NEBL: variants seen among roughly 807,000 people sequenced by gnomAD.
NEBL encodes the protein nebulette, also known as LIM and SH3 protein 2.
NEBL carries 122 observed loss-of-function variants against 140.2 expected under a neutral mutation model. The ratio of observed to expected loss-of-function variants is 0.87; its 90% CI spans 0.75 to 1.01. NEBL has a LOEUF of 1.01. Among genes scored for constraint, NEBL ranks in the 50% least tolerant of loss-of-function variants. The pLI is 0.00. For synonymous variants in NEBL, 436 were observed against 398.9 expected, an observed-to-expected ratio of 1.09 and a Z score of -1.11; for missense variants, 1,365 against 1,231.3, an observed-to-expected ratio of 1.11 and a Z score of -1.62.
At chr10:21,020,364 A>T (rs575286614) in intron 2 of NEBL, among the ~76,000 whole-genome samples, 1 of 152,154 alleles carries the variant, frequency 6.6e-6, no homozygotes, top group Non-Finnish European at 1.5e-5. Context: ...TCCAGACCTC[A>T]TCCCATTCTC....
At chr10:20,844,767 G>A (rs191055282) in intron 12 of NEBL, among the ~76,000 whole-genome samples, 150 of 151,986 alleles carry the variant, frequency 9.9e-4, no homozygotes, top group African/African-American at 3.5e-3. Flanking sequence ...CTTCACATGT[G>A]AGCATCTTAT....
At chr10:21,087,816 T>A (rs1836709409) in intron 2 of NEBL, among the ~76,000 whole-genome samples, 1 of 152,162 alleles carries the variant, frequency 6.6e-6, no homozygotes, top group African/African-American at 2.4e-5. Context: ...TTTACCATAA[T>A]CCATCCTTAA....
rs759975853 is a variant in NEBL, at chr10:20,785,735, A to G, written c.*12T>C. On this transcript the variant is annotated 3_prime_UTR_variant, in exon 28 of 28. Coordinates refer to ENST00000377122, the MANE Select transcript of NEBL (RefSeq NM_006393.3). ...TACATTAGAATAAAGCTCAAAGGGC[A>G]GGGAGAAATAATTAATTAACAAACT... is the stretch of plus-strand genomic sequence containing the variant. 11 of 1,612,428 alleles carry G rather than the reference A, an allele frequency of 6.8e-6. No individual in the cohort carries two copies. The highest frequency in any genetic ancestry group is 8.5e-6 in the Non-Finnish European group (10 of 1,179,334).
intron 2 of NEBL, among the ~76,000 whole-genome samples, chr10:21,077,087 G>A (rs1239014307): frequency 6.6e-6 from 1 of 152,072 alleles, no homozygotes; most frequent in Non-Finnish European, 1.5e-5. Context: ...TTAAAAATAT[G>A]TTTAAAAATA....
intron 26 of NEBL, among the ~76,000 whole-genome samples, chr10:20,800,761 A>G (rs1837043748): frequency 6.6e-6 from 1 of 152,140 alleles, no homozygotes; most frequent in African/African-American, 2.4e-5. Context: ...TAATCCCTCT[A>G]GCGGACCACT....
At chr10:20,791,715 C>T (rs552913431) in intron 26 of NEBL, among the ~76,000 whole-genome samples, 1 of 152,030 alleles carries the variant, frequency 6.6e-6, no homozygotes, top group South Asian at 2.1e-4. Flanking sequence ...AAGAGGCTCA[C>T]CAAATCTGAA....
intron 7 of NEBL, among the ~76,000 whole-genome samples, chr10:20,864,603 A>T (rs1338316548): frequency 1.3e-5 from 2 of 152,234 alleles, no homozygotes; most frequent in African/African-American, 2.4e-5. Context: ...TCTCTGTTAC[A>T]ATGCTTCTGG....
chr10:21,252,398 T>A (rs1397145317), intron 1 of NEBL, among the ~76,000 whole-genome samples: 2 of 152,168 alleles, frequency 1.3e-5, no homozygotes, highest in Non-Finnish European at 2.9e-5. Flanking sequence ...ATTGATTGAT[T>A]GATAGATAGA....
chr10:21,073,573 C>T (rs1036322984), intron 2 of NEBL, among the ~76,000 whole-genome samples: 24 of 144,088 alleles, frequency 1.7e-4, no homozygotes, highest in Non-Finnish European at 6.0e-5. Context: ...GCCTAGAATG[C>T]ACCAGTACAC....
At chr10:21,150,456 C>G (rs1407965451) in intron 2 of NEBL, among the ~76,000 whole-genome samples, 1 of 152,166 alleles carries the variant, frequency 6.6e-6, no homozygotes, top group Admixed American at 6.5e-5. Context: ...CAGTGAGGCT[C>G]CAACCACGGG....
At chr10:21,122,947 C>T (rs1354877334) in intron 2 of NEBL, among the ~76,000 whole-genome samples, 1 of 152,102 alleles carries the variant, frequency 6.6e-6, no homozygotes, top group Admixed American at 6.6e-5. Context: ...TCAGGGGTCC[C>T]ACATATTTCC....
intron 3 of NEBL, among the ~76,000 whole-genome samples, chr10:20,989,972 T>C (rs1837396612): frequency 6.6e-6 from 1 of 152,236 alleles, no homozygotes; most frequent in Non-Finnish European, 1.5e-5. Flanking sequence ...ATGTTAACAT[T>C]GATAAAAATC....
At chr10:21,009,674 A>G (rs1838261625) in intron 3 of NEBL, among the ~76,000 whole-genome samples, 1 of 152,200 alleles carries the variant, frequency 6.6e-6, no homozygotes, top group African/African-American at 2.4e-5. Context: ...AATTGTCCCA[A>G]ACGGAAGCTT....
At position 20,831,251 on chromosome 10, in the gene NEBL, C is replaced by A. The variant is rs1219196856; in HGVS notation, c.1616G>T (p.Ser539Ile). Reference sequence around the variant, plus strand: ...TCGAAGGATATCTGGGATATCCATGCTCACTTGCATTCCTTTCCCTTTAAT... The same window carrying A: ...TCGAAGGATATCTGGGATATCCATGATCACTTGCATTCCTTTCCCTTTAAT... ...NEIKGKGMQV[S>I]MDIPDILRAK... Residue 539 changes from serine to isoleucine, a missense_variant, in exon 16 of 28, where the codon AGC (serine) becomes ATC (isoleucine). By Grantham distance (142) the Ser-to-Ile change is moderately radical. Around this residue, in one of 2 missense-constraint regions of NEBL, gnomAD observed 1,323 missense variants for 1,154.8 expected, o/e 1.15. Coordinates refer to ENST00000377122, the MANE Select transcript of NEBL (RefSeq NM_006393.3). 1 of 1,613,704 alleles carries A rather than the reference C, an allele frequency of 6.2e-7. No individual in the cohort carries two copies. Among genetic ancestry groups the A allele is most frequent in the South Asian group, 1.1e-5 (1 of 91,086 alleles).
intron 3 of NEBL, among the ~76,000 whole-genome samples, chr10:20,977,084 A>G (rs759636359): frequency 1.3e-5 from 2 of 152,192 alleles, no homozygotes; most frequent in African/African-American, 2.4e-5. Flanking sequence ...AGTCAAAGAT[A>G]AAGTTTCCAG....
In NEBL at chr10:21,149,776, G is replaced by A. The variant is rs919062493; in HGVS notation, c.164+22607C>T. 3.3e-5 allele frequency among the ~76,000 whole-genome samples: 5 copies of A among 152,158 alleles called. No homozygotes were observed. The East Asian group carries it at 5.8e-4, about 18-fold the overall frequency. On this transcript the variant is annotated intron_variant, in intron 2 of 6. Coordinates refer to the NEBL transcript ENST00000417816. ...GGCATTGGAAGTGGGTGACGGGGGC[G>A]GTCTTGTAGGACTGAGCCCTCAACC...
intron 1 of NEBL, among the ~76,000 whole-genome samples, chr10:21,286,314 GT>G (rs1843054920): frequency 6.6e-6 from 1 of 152,094 alleles, no homozygotes; most frequent in African/African-American, 2.4e-5. Context: ...AACATTCTTT[GT>G]AGCCCAGAGC....
At chr10:21,174,196 A>C, upstream of NEBL, 6 of 261,472 alleles carry the variant, frequency 2.3e-5, no homozygotes, top group Non-Finnish European at 3.0e-5. Context: ...GGCCAAACCC[A>C]CCGGCGCGCC....
Position 20,914,969 on chromosome 10 carries a change from A to ATTTTTTT in NEBL, c.357+46696_357+46702dup, listed in dbSNP as rs71390798. ...TACCTCTGCCTCCCAAGTGGCTGGG[A>ATTTTTTT]TTTTTTTTTTTTTTGGAGAGATGGG... On this transcript the variant is annotated intron_variant, in intron 4 of 6. Coordinates refer to the NEBL transcript ENST00000417816. Among the ~76,000 whole-genome samples the ATTTTTTT allele has an allele frequency of 2.3e-4, 26 of 111,222 alleles. 4 individuals are homozygous for ATTTTTTT. Among genetic ancestry groups the ATTTTTTT allele is most frequent in the African/African-American group, 7.2e-4 (21 of 29,242 alleles). The allele number at this position is 111,222 out of a possible 152,430, so 73.0% of individuals were successfully genotyped here.
Sources: gnomAD v4.1 joint callset for allele counts (sites outside exome capture counted in the v4.1 genomes callset) on GRCh38, gnomAD v4.1.1 for gene constraint, gnomAD v4.1.1 regional missense constraint, MANE v1.5 for transcripts, NCBI Gene and HGNC (gene_info 2026-07-23, HGNC 2026-07-21) for gene names.